Variants in ITSN1 observed in about 807,000 individuals in gnomAD.
The protein encoded by ITSN1 is intersectin-1.
ITSN1 carries 58 observed loss-of-function variants against 239.8 expected under a neutral mutation model. That is an observed-to-expected ratio of 0.24 (90% confidence interval 0.20 to 0.30). The LOEUF is 0.30. Among genes scored for constraint, ITSN1 ranks in the 10% least tolerant of loss-of-function variants. ITSN1 has a pLI of 1.00. For synonymous variants in ITSN1, 780 were observed against 770.8 expected (o/e 1.01, Z -0.20); for missense variants, 1,558 against 2,103.3 (o/e 0.74, Z 5.07).
intron 33 of ITSN1, among the ~76,000 whole-genome samples, chr21:33,868,968 A>T (rs889945057): frequency 1.3e-5 from 2 of 149,436 alleles, no homozygotes; most frequent in Admixed American, 6.7e-5. Context: ...TCTTTTTTTA[A>T]TTTTTTTTTT....
At chr21:33,806,505 A>T (rs909289500) in intron 20 of ITSN1, among the ~76,000 whole-genome samples, 11 of 152,248 alleles carry the variant, frequency 7.2e-5, no homozygotes, top group Non-Finnish European at 1.3e-4. Flanking sequence ...AAATTGAGAA[A>T]AGAGGTGTAA....
chr21:33,662,628 ACT>A (rs2089646286), intron 1 of ITSN1, among the ~76,000 whole-genome samples: 2 of 152,176 alleles, frequency 1.3e-5, no homozygotes, highest in South Asian at 4.1e-4. Context: ...TTATCTAGGT[ACT>A]GGGTTTTATG....
intron 1 of ITSN1, among the ~76,000 whole-genome samples, chr21:33,689,932 C>T (rs1217446277): frequency 6.9e-6 from 1 of 144,738 alleles, no homozygotes; most frequent in East Asian, 2.0e-4. Flanking sequence ...TGCACCACTG[C>T]ATTCCAGCAT....
chr21:33,736,977 CCT>C (rs1006087368), intron 5 of ITSN1, among the ~76,000 whole-genome samples: 4 of 152,046 alleles, frequency 2.6e-5, no homozygotes, highest in African/African-American at 9.7e-5. Context: ...AAAGTGATAC[CCT>C]GTCTTAAAAA....
intron 31 of ITSN1, among the ~76,000 whole-genome samples, chr21:33,862,367 A>T (rs1217433889): frequency 6.6e-6 from 1 of 152,208 alleles, no homozygotes; most frequent in Non-Finnish European, 1.5e-5. Context: ...TAACTTAAGA[A>T]GAATGGATTC....
chr21:33,652,525 C>A (rs1283185696), intron 1 of ITSN1, among the ~76,000 whole-genome samples: 2 of 152,010 alleles, frequency 1.3e-5, no homozygotes, highest in African/African-American at 2.4e-5. Context: ...CCTATAGATT[C>A]TTTGTCTTTT....
chr21:33,808,452 G>A (rs1325346327), intron 20 of ITSN1, among the ~76,000 whole-genome samples: 1 of 152,018 alleles, frequency 6.6e-6, no homozygotes, highest in East Asian at 1.9e-4. Context: ...AGGCGTGGTG[G>A]TGGGCACCTG....
chr21:33,669,874 A>C (rs2090161044), intron 1 of ITSN1, among the ~76,000 whole-genome samples: 1 of 151,702 alleles, frequency 6.6e-6, no homozygotes, highest in Non-Finnish European at 1.5e-5. Flanking sequence ...CCAATGTAGA[A>C]CCTTATTCTT....
intron 1 of ITSN1, among the ~76,000 whole-genome samples, chr21:33,671,035 T>C (rs768116369): frequency 1.2e-4 from 19 of 152,282 alleles, no homozygotes; most frequent in Non-Finnish European, 2.4e-4. Context: ...TGGAATTTGG[T>C]TTTAGGTTCC....
intron 21 of ITSN1, among the ~76,000 whole-genome samples, chr21:33,813,388 TGTCATCCA>T (rs1247747761): frequency 6.6e-6 from 1 of 151,944 alleles, no homozygotes; most frequent in Non-Finnish European, 1.5e-5. Context: ...AGTCTCACTC[TGTCATCCA>T]GTCCAGAGTA....
At chr21:33,770,347 G>A (rs2069061274) in intron 11 of ITSN1, among the ~76,000 whole-genome samples, 1 of 152,224 alleles carries the variant, frequency 6.6e-6, no homozygotes, top group South Asian at 2.1e-4. Context: ...ACAGGCGTGA[G>A]CCACCGTGCC....
In ITSN1 at chr21:33,823,519, G is replaced by T; in HGVS notation, c.3049G>T (p.Glu1017Ter). Residue 1017 changes from glutamate (E) to a stop codon, truncating the protein, a stop_gained, in exon 25 of 40, where the codon GAG becomes TAG. Coordinates refer to ENST00000381318, the MANE Select transcript of ITSN1 (RefSeq NM_003024.3). LOFTEE classifies it high-confidence loss of function. Reference protein sequence around the residue: ...FIAMYTYESSEQGDLTFQQGD... With the variant: ...FIAMYTYESS Reference sequence around the variant, plus strand: ...TGCCATGTACACTTACGAGAGTTCTGAGCAAGGAGATTTAACCTTTCAGCA... The same window carrying T: ...TGCCATGTACACTTACGAGAGTTCTTAGCAAGGAGATTTAACCTTTCAGCA... 1 of 1,614,110 alleles carries T rather than the reference G, an allele frequency of 6.2e-7. No individual in the cohort carries two copies. The highest frequency in any genetic ancestry group is 8.5e-7 in the Non-Finnish European group (1 of 1,179,974).
intron 23 of ITSN1, 124 bp from the exon 24 acceptor site, chr21:33,819,117 A>G (rs2073481942): frequency 9.0e-6 from 6 of 664,588 alleles, no homozygotes; most frequent in East Asian, 8.1e-5. Flanking sequence ...GCTAAGTACA[A>G]CTATTTCAGC....
intron 18 of ITSN1, among the ~76,000 whole-genome samples, chr21:33,798,209 T>C (rs2071709698): frequency 2.0e-5 from 3 of 152,046 alleles, no homozygotes; most frequent in Admixed American, 2.0e-4. Context: ...GCAATCCTCC[T>C]GTCTTAGCCT....
Position 33,755,397 on chromosome 21 carries a change from G to A in ITSN1, c.724G>A (p.Gly242Ser). ...HDKTMSGHLT[G>S]PQARTILMQS... ...CAAAACTATGAGTGGACACTTAACA[G>A]GTATTTACAAATAAAAATTAGTGAA... The change falls in exon 8 of 40, where the codon GGT (glycine) becomes AGT (serine). Residue 242 changes from glycine to serine, a missense_variant and splice_region_variant. By Grantham distance (56) the Gly-to-Ser change is moderately conservative. Around this residue, in one of 2 missense-constraint regions of ITSN1, gnomAD observed 982 missense variants for 1,209.9 expected, o/e 0.81. Transcript: ENST00000381318. 6.7e-7 allele frequency: 1 copy of A among 1,483,562 alleles called. No homozygotes were observed. Among genetic ancestry groups the A allele is most frequent in the Non-Finnish European group, 9.3e-7 (1 of 1,074,470 alleles). 91.9% of individuals were successfully genotyped at this position (1,483,562 alleles called of 1,614,324 possible). A position where few individuals can be genotyped will look rare whatever the true frequency, so the allele number is the denominator to read the frequency against.
intron 1 of ITSN1, among the ~76,000 whole-genome samples, chr21:33,670,106 A>G (rs2090173896): frequency 6.6e-6 from 1 of 152,202 alleles, no homozygotes; most frequent in South Asian, 2.1e-4. Context: ...TCATGCCTGT[A>G]ATACCAACAG....
intron 4 of ITSN1, among the ~76,000 whole-genome samples, chr21:33,731,286 AG>A (rs1196340058): frequency 6.6e-6 from 1 of 152,162 alleles, no homozygotes; most frequent in Non-Finnish European, 1.5e-5. Flanking sequence ...TTCTCACCAG[AG>A]ACCATACTGG....
intron 1 of ITSN1, among the ~76,000 whole-genome samples, chr21:33,683,088 A>T (rs1290633408): frequency 6.6e-6 from 1 of 152,152 alleles, no homozygotes; most frequent in Non-Finnish European, 1.5e-5. Flanking sequence ...CAAGAGTGAA[A>T]GGGACCAGAA....
At chr21:33,718,889 C>T in intron 2 of ITSN1, 33 bp downstream of exon 2, 1 of 1,573,348 alleles carries the variant, frequency 6.4e-7, no homozygotes, top group Non-Finnish European at 8.7e-7. Flanking sequence ...TTTTAATGTA[C>T]TTTGGGACCA....
Sources: gnomAD v4.1 joint callset for allele counts (sites outside exome capture counted in the v4.1 genomes callset) on GRCh38, gnomAD v4.1.1 for gene constraint, gnomAD v4.1.1 regional missense constraint, MANE v1.5 for transcripts, NCBI Gene and HGNC (gene_info 2026-07-23, HGNC 2026-07-21) for gene names.